The following HFM1 variants were observed in gnomAD, a reference collection of about 807,000 sequenced individuals.
The protein encoded by HFM1 is probable ATP-dependent DNA helicase HFM1.
HFM1 carries 169 observed loss-of-function variants against 192.1 expected under a neutral mutation model. The ratio of observed to expected loss-of-function variants is 0.88; its 90% CI spans 0.78 to 1.00. The LOEUF (loss-of-function observed/expected upper bound fraction) is 1.00, where lower values mean the gene tolerates loss of function less well. HFM1 is among the 50% of genes least tolerant of loss of function. The probability of loss-of-function intolerance (pLI) is 0.00; values close to 1 mark genes in which losing one functional copy is unlikely to be tolerated. For synonymous variants in HFM1, 525 were observed against 537.8 expected (o/e 0.98, Z 0.33); for missense variants, 1,661 against 1,668.0 (o/e 1.00, Z 0.07).
At chr1:91,282,510 A>C (rs1199218660) in intron 30 of HFM1, among the ~76,000 whole-genome samples, 1 of 152,092 alleles carries the variant, frequency 6.6e-6, no homozygotes, top group Non-Finnish European at 1.5e-5. Flanking sequence ...AAAATGTCTC[A>C]TCACCCTTGG....
intron 30 of HFM1, among the ~76,000 whole-genome samples, chr1:91,282,868 G>A (rs1459160073): frequency 1.3e-5 from 2 of 152,146 alleles, no homozygotes; most frequent in Non-Finnish European, 2.9e-5. Flanking sequence ...AAAGATGCAT[G>A]TCTAAACGCT....
intron 19 of HFM1, among the ~76,000 whole-genome samples, chr1:91,346,459 G>A (rs1459338928): frequency 6.6e-6 from 1 of 152,102 alleles, no homozygotes; most frequent in East Asian, 1.9e-4. Flanking sequence ...TATTGGTTAT[G>A]ACCATGTTTT....
intron 4 of HFM1, among the ~76,000 whole-genome samples, chr1:91,392,993 G>A (rs1408852574): frequency 6.6e-6 from 1 of 152,028 alleles, no homozygotes; most frequent in East Asian, 1.9e-4. Context: ...TTTAAAATTA[G>A]TTAATAATGA....
chr1:91,384,594 T>C lies in HFM1; in HGVS notation c.802+593A>G, dbSNP rs72970362. Among the ~76,000 whole-genome samples, 355 of 152,314 alleles carry C rather than the reference T, an allele frequency of 2.3e-3. 1 individual carries two copies. Among genetic ancestry groups the C allele is most frequent in the African/African-American group, 8.0e-3 (334 of 41,566 alleles). ...CTCTTTCTCAAAGGATGAGAAATTATCTGTACCTATTTGTAAGTAAATATG... is the reference window on the plus strand; with the variant it reads ...CTCTTTCTCAAAGGATGAGAAATTACCTGTACCTATTTGTAAGTAAATATG... On this transcript the variant is annotated intron_variant, in intron 6 of 38. Coordinates refer to ENST00000370425, the MANE Select transcript of HFM1 (RefSeq NM_001017975.6).
chr1:91,287,386 C>G (rs1274746342), intron 30 of HFM1, among the ~76,000 whole-genome samples: 2 of 152,088 alleles, frequency 1.3e-5, no homozygotes, highest in African/African-American at 4.8e-5. Flanking sequence ...GGGAGGCACC[C>G]CCTAGCAGGG....
chr1:91,353,339 T>C (rs1657222449), intron 13 of HFM1, 40 bp from the exon 14 acceptor site: 2 of 1,202,010 alleles, frequency 1.7e-6, no homozygotes, highest in East Asian at 2.4e-5. Context: ...TTACTCCCAG[T>C]AACATTAGAG....
At chr1:91,305,099 G>T (rs1649409722) in intron 30 of HFM1, among the ~76,000 whole-genome samples, 1 of 152,104 alleles carries the variant, frequency 6.6e-6, no homozygotes. Context: ...ACCAAGAATT[G>T]TGAGTCCTCT....
intron 2 of HFM1, among the ~76,000 whole-genome samples, chr1:91,400,286 G>A (rs1042099665): frequency 2.0e-5 from 3 of 151,788 alleles, no homozygotes; most frequent in East Asian, 1.9e-4. Context: ...CTTTATTCCC[G>A]CCCCTACTTC....
intron 13 of HFM1, among the ~76,000 whole-genome samples, chr1:91,365,541 G>A (rs565000947): frequency 7.1e-4 from 108 of 152,106 alleles, no homozygotes; most frequent in Non-Finnish European, 1.3e-3. Context: ...TTAAGAAAGT[G>A]TGTTGATAAT....
chr1:91,350,948 A>C (rs1030909009), intron 17 of HFM1, 77 bp from the exon 18 acceptor site: 2 of 1,106,986 alleles, frequency 1.8e-6, no homozygotes, highest in African/African-American at 3.2e-5. Flanking sequence ...AATAATATAG[A>C]ATATACCCAT....
At chr1:91,339,607 T>C (rs752211722) in intron 20 of HFM1, among the ~76,000 whole-genome samples, 3 of 151,276 alleles carry the variant, frequency 2.0e-5, no homozygotes, top group South Asian at 2.1e-4. Context: ...GAAAAAAGAA[T>C]AAAAAAGAAT....
At chr1:91,281,306 T>C (rs1667443682) in intron 30 of HFM1, among the ~76,000 whole-genome samples, 1 of 152,234 alleles carries the variant, frequency 6.6e-6, no homozygotes, top group Non-Finnish European at 1.5e-5. Flanking sequence ...CCTGAAGTTT[T>C]GCAGCCTTCC....
rs80041701 is a variant in HFM1 at position 91,341,470 on chromosome 1, C to T, written c.2335+1960G>A. Among the ~76,000 whole-genome samples, 271 of 152,234 alleles carry T rather than the reference C, an allele frequency of 1.8e-3. 6 individuals carry two copies. In the East Asian group the frequency reaches 0.048, roughly 27 times the overall value. ...AAAAGTTTATGGCACTAAATGCTCA[C>T]ATCAAAAAGCTAGAAGTATCACATT... is the stretch of plus-strand genomic sequence containing the variant. On this transcript the variant is annotated intron_variant, in intron 20 of 38. Transcript: ENST00000370425.
chr1:91,365,860 T>A (rs1039231230), intron 13 of HFM1, among the ~76,000 whole-genome samples: 1 of 151,670 alleles, frequency 6.6e-6, no homozygotes, highest in African/African-American at 2.4e-5. Context: ...CAATATTGAT[T>A]AAGAAATTGA....
chr1:91,288,366 C>CT (rs35536576), intron 30 of HFM1, among the ~76,000 whole-genome samples: 3 of 134,354 alleles, frequency 2.2e-5, no homozygotes, highest in African/African-American at 8.2e-5. Flanking sequence ...ATTCAACATT[C>CT]TTTTTTTTTT....
At position 91,385,217 on chromosome 1, in the gene HFM1, A is replaced by G; in HGVS notation, c.772T>C (p.Leu258=). ...TCTGTGACAGCCTTCAAGGAACCTA[A>G]ACCATTTTCTGTTACCTCTGAAAAA... is the stretch of plus-strand genomic sequence containing the variant. ...HDIQEVTENG[L]GSLKAVTEIP... Residue 258 remains leucine, a synonymous_variant, in exon 6 of 39, where the codon TTA becomes CTA. Coordinates refer to ENST00000370425, the MANE Select transcript of HFM1 (RefSeq NM_001017975.6). The G allele has an allele frequency of 6.4e-7, 1 of 1,568,278 alleles. No homozygotes were observed. Among genetic ancestry groups the G allele is most frequent in the Non-Finnish European group, 8.7e-7 (1 of 1,144,206 alleles).
intron 20 of HFM1, among the ~76,000 whole-genome samples, chr1:91,338,085 G>A (rs1053866122): frequency 1.3e-5 from 2 of 152,198 alleles, no homozygotes; most frequent in African/African-American, 2.4e-5. Flanking sequence ...TCCTGGGGAA[G>A]GGTGAGTTAA....
intron 5 of HFM1, 69 bp downstream of exon 5, chr1:91,385,505 AT>A (rs1662086355): frequency 6.2e-6 from 8 of 1,281,666 alleles, no homozygotes; most frequent in Non-Finnish European, 2.2e-6. Flanking sequence ...ATATTTTTAC[AT>A]TTTCCCCCAT....
intron 20 of HFM1, among the ~76,000 whole-genome samples, chr1:91,327,899 G>A (rs753342295): frequency 2.6e-5 from 4 of 152,098 alleles, no homozygotes; most frequent in Non-Finnish European, 5.9e-5. Context: ...CAGATGAAAA[G>A]TGAAAAATTT....
Sources: gnomAD v4.1 joint callset for allele counts (sites outside exome capture counted in the v4.1 genomes callset) on GRCh38, gnomAD v4.1.1 for gene constraint, MANE v1.5 for transcripts, NCBI Gene and HGNC (gene_info 2026-07-23, HGNC 2026-07-21) for gene names.